AKAP11: variants seen among roughly 807,000 people sequenced by gnomAD.
The protein encoded by AKAP11 is A-kinase anchor protein 11.
AKAP11 carries 36 observed loss-of-function variants against 146.1 expected under a neutral mutation model. The ratio of observed to expected loss-of-function variants is 0.25; its 90% CI spans 0.19 to 0.33. AKAP11 has a LOEUF of 0.33. Among genes scored for constraint, AKAP11 ranks in the 10% least tolerant of loss-of-function variants. AKAP11 has a pLI of 1.00. For missense variants in AKAP11, 2,201 were observed against 2,197.0 expected (o/e 1.00, Z -0.04); for synonymous variants, 780 against 786.5 (o/e 0.99, Z 0.14).
At chr13:42,291,645 A>G (rs545180594) in intron 3 of AKAP11, among the ~76,000 whole-genome samples, 13 of 152,180 alleles carry the variant, frequency 8.5e-5, no homozygotes, top group Non-Finnish European at 1.9e-4. Flanking sequence ...GAATGGAAAA[A>G]TCTTCACAGG....
chr13:42,311,279 T>G (rs1318897981), intron 9 of AKAP11, among the ~76,000 whole-genome samples: 1 of 152,204 alleles, frequency 6.6e-6, no homozygotes, highest in East Asian at 1.9e-4. Context: ...AAGAAAGTGA[T>G]GGAAGCAGGG....
rs1370046444 is a variant in AKAP11, at chr13:42,299,710, G to A, written c.964G>A (p.Glu322Lys). The A allele has an allele frequency of 6.2e-7, 1 of 1,613,928 alleles. No individual in the cohort carries two copies. Among genetic ancestry groups the A allele is most frequent in the Non-Finnish European group, 8.5e-7 (1 of 1,179,898 alleles). ...TCCAAGTCCTGTTATTTTCTTGGAT[G>A]AAGAGGGATATCAAAAAAGCTTAAA... ...SSPSPVIFLDEEGYQKSLKAK... is the reference protein window; with the variant it reads ...SSPSPVIFLDKEGYQKSLKAK... Residue 322 changes from glutamate (E) to lysine (K), a missense_variant, in exon 8 of 13, where the codon GAA becomes AAA. By Grantham distance (56) the Glu-to-Lys change is moderately conservative (BLOSUM62 1). This residue lies in a region of AKAP11 where 1,867 missense variants were observed against 1,833.5 expected (regional missense o/e 1.02). Coordinates refer to ENST00000025301, the MANE Select transcript of AKAP11 (RefSeq NM_016248.4).
chr13:42,273,362 T>A (rs927011338), intron 1 of AKAP11, among the ~76,000 whole-genome samples: 1 of 152,206 alleles, frequency 6.6e-6, no homozygotes, highest in African/African-American at 2.4e-5. Context: ...GAATGATTTT[T>A]TTTTTTTTTG....
At chr13:42,280,465 A>G (rs1189305924) in intron 1 of AKAP11, among the ~76,000 whole-genome samples, 1 of 152,208 alleles carries the variant, frequency 6.6e-6, no homozygotes, top group Non-Finnish European at 1.5e-5. Context: ...ACTCATTTAA[A>G]TATTTGAAGG....
intron 11 of AKAP11, among the ~76,000 whole-genome samples, chr13:42,316,602 C>T (rs903496938): frequency 6.6e-6 from 1 of 152,140 alleles, no homozygotes; most frequent in Admixed American, 6.5e-5. Flanking sequence ...TATGGCATTT[C>T]CCCCCACTTT....
chr13:42,312,993 T>G (rs1349167118), intron 9 of AKAP11, 54 bp from the exon 10 acceptor site: 3 of 1,460,212 alleles, frequency 2.1e-6, no homozygotes, highest in Non-Finnish European at 2.9e-6. Flanking sequence ...GAAACAAAGG[T>G]CTTTTCTACT....
rs755063221 is a variant in AKAP11, at chr13:42,303,607, C to A, written c.4861C>A (p.Pro1621Thr). The stretch of plus-strand genomic sequence containing the variant: ...CGCCAGTAGTAAGCCAGCTTCTAAT[C>A]CAAAATTTAGCAGCCGCTATCAGAA... Reference protein sequence around the residue: ...SLASSKPASNPKFSSRYQKSR... With the variant: ...SLASSKPASNTKFSSRYQKSR... The change falls in exon 8 of 13, where the codon CCA (proline) becomes ACA (threonine). Residue 1621 changes from proline (P) to threonine (T), a missense_variant. Coordinates refer to ENST00000025301, the MANE Select transcript of AKAP11 (RefSeq NM_016248.4). 1 of 1,614,202 alleles carries A rather than the reference C, an allele frequency of 6.2e-7. No homozygotes were observed. The highest frequency in any genetic ancestry group is 1.1e-5 in the South Asian group (1 of 91,084).
At chr13:42,311,062 T>G (rs974088615) in intron 9 of AKAP11, among the ~76,000 whole-genome samples, 3 of 152,254 alleles carry the variant, frequency 2.0e-5, no homozygotes, top group Middle Eastern at 3.4e-3. Flanking sequence ...TGTTATTCTC[T>G]TAGGAATTAT....
chr13:42,318,287 C>T (rs141147498), intron 12 of AKAP11, among the ~76,000 whole-genome samples: 2 of 152,102 alleles, frequency 1.3e-5, no homozygotes, highest in African/African-American at 2.4e-5. Flanking sequence ...TAGAAATATT[C>T]GAATTGTGGT....
chr13:42,308,478 G>A lies in AKAP11; in HGVS notation c.5142G>A (p.Gln1714=). 1 of 1,596,218 alleles carries A rather than the reference G, an allele frequency of 6.3e-7. No individual in the cohort carries two copies. The highest frequency in any genetic ancestry group is 8.5e-7 in the Non-Finnish European group (1 of 1,170,036). Residue 1714 remains glutamine (Q), a synonymous_variant, in exon 9 of 13, where the codon CAG becomes CAA. Transcript: ENST00000025301. The part of the protein sequence containing the change: ...VSSSKEIEDF[Q]STESVSSQQM... Reference sequence around the variant, plus strand: ...GTTCAAAAGAAATAGAAGACTTTCAGTCAACCGAGTCTGTCAGTAGCCAGC... The same window carrying A: ...GTTCAAAAGAAATAGAAGACTTTCAATCAACCGAGTCTGTCAGTAGCCAGC...
At chr13:42,295,964 T>C (rs1159196893) in intron 5 of AKAP11, among the ~76,000 whole-genome samples, 2 of 152,234 alleles carry the variant, frequency 1.3e-5, no homozygotes, top group African/African-American at 2.4e-5. Context: ...AAGATTGAGT[T>C]AAATTTAAAA....
rs766067692 is a variant in AKAP11 at position 42,323,015 on chromosome 13, C to T, written c.*3787C>T. ...TTATAGCTGTTTATTTGGCTGTGCT[C>T]AGTTACTATATTAAGATCTTGTACT... is the stretch of plus-strand genomic sequence containing the variant. On this transcript the variant is annotated 3_prime_UTR_variant, in exon 13 of 13. Transcript: ENST00000025301. 8.5e-5 allele frequency: 13 copies of T among 152,688 alleles called. No homozygotes were observed. Among genetic ancestry groups the T allele is most frequent in the Admixed American group, 2.6e-4 (4 of 15,262 alleles). The allele number at this position is 152,688 out of a possible 1,614,324, so 9.5% of individuals were successfully genotyped here.
At chr13:42,304,718 C>T (rs1187234881) in intron 8 of AKAP11, among the ~76,000 whole-genome samples, 1 of 151,934 alleles carries the variant, frequency 6.6e-6, no homozygotes, top group African/African-American at 2.4e-5. Context: ...CCTACAGTGT[C>T]CTGTTTTTCA....
At chr13:42,275,576 C>T (rs1213962945) in intron 1 of AKAP11, among the ~76,000 whole-genome samples, 1 of 152,224 alleles carries the variant, frequency 6.6e-6, no homozygotes, top group Non-Finnish European at 1.5e-5. Flanking sequence ...TGTGCTTTAA[C>T]ATCCTGCAAT....
At position 42,303,844 on chromosome 13, in the gene AKAP11, G is replaced by A; in HGVS notation, c.5098G>A (p.Val1700Ile). Reference sequence around the variant, plus strand: ...AACCATGACAGCAGCTGTCACAAATGTTGGGCATGCTGTTAGCAGGTAAGT... The same window carrying A: ...AACCATGACAGCAGCTGTCACAAATATTGGGCATGCTGTTAGCAGGTAAGT... Reference protein sequence around the residue: ...TETMTAAVTNVGHAVSSSKEI... With the variant: ...TETMTAAVTNIGHAVSSSKEI... The change falls in exon 8 of 13, where the codon GTT becomes ATT. Residue 1700 changes from valine (V) to isoleucine (I), a missense_variant. Val to Ile is a conservative substitution (Grantham distance 29). Transcript: ENST00000025301. 1 of 1,585,072 alleles carries A rather than the reference G, an allele frequency of 6.3e-7. No homozygotes were observed. The highest frequency in any genetic ancestry group is 8.6e-7 in the Non-Finnish European group (1 of 1,166,834).
intron 8 of AKAP11, among the ~76,000 whole-genome samples, chr13:42,306,052 A>G (rs1218357411): frequency 1.3e-5 from 2 of 152,142 alleles, no homozygotes; most frequent in Non-Finnish European, 2.9e-5. Flanking sequence ...GGGGGTTACA[A>G]TTTGAGATGA....
Position 42,302,375 on chromosome 13 carries a change from C to T in AKAP11, c.3629C>T (p.Ala1210Val), listed in dbSNP as rs1369617212. Residue 1210 changes from alanine (A) to valine (V), a missense_variant, in exon 8 of 13, where the codon GCA (alanine) becomes GTA (valine). Physicochemically the swap from Ala to Val is moderately conservative, Grantham distance 64. This residue lies in a region of AKAP11 where 1,867 missense variants were observed against 1,833.5 expected (regional missense o/e 1.02). Transcript: ENST00000025301. ...TTAGCTACACACATCCTTTCTCTTG[C>T]AACTGAAATGGCAGCTTCCCATTTA... ...EALATHILSL[A>V]TEMAASHLDN... 6.2e-7 allele frequency: 1 copy of T among 1,614,120 alleles called. No individual in the cohort carries two copies. The highest frequency in any genetic ancestry group is 8.5e-7 in the Non-Finnish European group (1 of 1,180,008).
Position 42,319,137 on chromosome 13 carries a change from A to G in AKAP11, c.5615A>G (p.Gln1872Arg). 6.2e-7 allele frequency: 1 copy of G among 1,614,094 alleles called. No homozygotes were observed. The highest frequency in any genetic ancestry group is 8.5e-7 in the Non-Finnish European group (1 of 1,179,972). ...EKGWKVGDLL[Q>R]AVLQYYEVME... ...GGATGGAAAGTGGGAGACCTCCTGC[A>G]GGCTGTGCTTCAATACTATGAAGTG... Residue 1872 changes from glutamine (Q) to arginine (R), a missense_variant, in exon 13 of 13, where the codon CAG (glutamine) becomes CGG (arginine). Gln to Arg is a conservative substitution (Grantham distance 43). Transcript: ENST00000025301.
chr13:42,302,619 T>C lies in AKAP11; in HGVS notation c.3873T>C (p.Tyr1291=), dbSNP rs766724337. ...TCAAGCAAAAGAAGAACAGTTGTTA[T>C]GCTGATGGTGACGAAGATTATAAAG... is the stretch of plus-strand genomic sequence containing the variant. ...MLFKQKKNSC[Y]ADGDEDYKVE... The change falls in exon 8 of 13, where the codon TAT becomes TAC. Residue 1291 remains tyrosine, a synonymous_variant. Coordinates refer to ENST00000025301, the MANE Select transcript of AKAP11 (RefSeq NM_016248.4). 1.4e-5 allele frequency: 22 copies of C among 1,614,034 alleles called. 1 individual carries two copies. Among genetic ancestry groups the C allele is most frequent in the African/African-American group, 9.3e-5 (7 of 74,926 alleles).
Sources: gnomAD v4.1 joint callset for allele counts (sites outside exome capture counted in the v4.1 genomes callset) on GRCh38, gnomAD v4.1.1 for gene constraint, gnomAD v4.1.1 regional missense constraint, MANE v1.5 for transcripts, NCBI Gene and HGNC (gene_info 2026-07-23, HGNC 2026-07-21) for gene names.